Variants in ESRRG observed in about 807,000 individuals in gnomAD.
The protein encoded by ESRRG is estrogen-related receptor gamma.
A neutral mutation model predicts 44.0 loss-of-function variants in ESRRG; 13 were observed. The observed-to-expected ratio is 0.30, with a 90% CI of 0.19 to 0.47. The LOEUF (loss-of-function observed/expected upper bound fraction) is 0.47. Ranked by LOEUF, ESRRG falls within the 20% of genes least tolerant of loss-of-function variation. The pLI is 1.00. For synonymous variants in ESRRG, 215 were observed against 214.6 expected (o/e 1.00, Z -0.02); for missense variants, 395 against 580.6 (o/e 0.68, Z 3.29).
At chr1:217,126,780 C>T (rs2092896073) in intron 1 of ESRRG, among the ~76,000 whole-genome samples, 1 of 152,040 alleles carries the variant, frequency 6.6e-6, no homozygotes, top group South Asian at 2.1e-4. Context: ...TAATATGGTA[C>T]TCTGCATATC....
chr1:216,715,401 C>T, intron 1 of ESRRG: 1 of 184,474 alleles, frequency 5.4e-6, no homozygotes, highest in Non-Finnish European at 1.0e-5. Context: ...GTATGATATT[C>T]CTCCTCAAAA....
At chr1:216,856,419 G>A (rs1188130966) in intron 2 of ESRRG, among the ~76,000 whole-genome samples, 1 of 150,732 alleles carries the variant, frequency 6.6e-6, no homozygotes, top group African/African-American at 2.5e-5. Flanking sequence ...ATTCGAGAGT[G>A]AAGAAATTCA....
chr1:216,559,160 G>C (rs556967679), intron 5 of ESRRG, among the ~76,000 whole-genome samples: 37 of 152,050 alleles, frequency 2.4e-4, no homozygotes, highest in Non-Finnish European at 4.3e-4. Context: ...GTGATCCACC[G>C]CACCCATTCC....
chr1:217,103,058 A>T (rs1048021070), intron 1 of ESRRG, among the ~76,000 whole-genome samples: 1 of 152,232 alleles, frequency 6.6e-6, no homozygotes, highest in African/African-American at 2.4e-5. Context: ...TAATTCTGTC[A>T]TTCTGTGTCA....
At chr1:216,852,794 G>GACTCATCCT (rs747414133) in intron 2 of ESRRG, among the ~76,000 whole-genome samples, 5 of 152,132 alleles carry the variant, frequency 3.3e-5, no homozygotes, top group Non-Finnish European at 5.9e-5. Context: ...CTAGAGATAG[G>GACTCATCCT]ACTCATCCTA....
intron 2 of ESRRG, among the ~76,000 whole-genome samples, chr1:216,871,166 A>G (rs1256725772): frequency 6.6e-6 from 1 of 152,008 alleles, no homozygotes; most frequent in African/African-American, 2.4e-5. Flanking sequence ...TGTATCACAT[A>G]CATTTTAATA....
At chr1:216,843,334 G>A (rs777307999) in intron 2 of ESRRG, among the ~76,000 whole-genome samples, 1 of 151,830 alleles carries the variant, frequency 6.6e-6, no homozygotes, top group Non-Finnish European at 1.5e-5. Flanking sequence ...TTTCCACAGG[G>A]CTCTACAAAA....
chr1:217,044,871 C>A (rs1477055902), intron 1 of ESRRG, among the ~76,000 whole-genome samples: 1 of 152,172 alleles, frequency 6.6e-6, no homozygotes, highest in East Asian at 1.9e-4. Flanking sequence ...TGCTTGTGCA[C>A]TCACACACAG....
At chr1:216,821,372 G>T (rs914925921) in intron 2 of ESRRG, among the ~76,000 whole-genome samples, 10 of 151,938 alleles carry the variant, frequency 6.6e-5, no homozygotes, top group African/African-American at 2.2e-4. Flanking sequence ...TTATTTGTGG[G>T]GATCTTAATG....
At chr1:216,958,449 T>G (rs1262885177) in intron 1 of ESRRG, among the ~76,000 whole-genome samples, 9 of 152,154 alleles carry the variant, frequency 5.9e-5, no homozygotes, top group African/African-American at 2.2e-4. Context: ...TTCGTGTTGA[T>G]ATTGTTCGTT....
intron 2 of ESRRG, among the ~76,000 whole-genome samples, chr1:216,656,014 A>G (rs996130119): frequency 6.6e-6 from 1 of 152,030 alleles, no homozygotes; most frequent in Non-Finnish European, 1.5e-5. Flanking sequence ...CAAAGACATG[A>G]CTCCCAGTAG....
At chr1:216,993,149 A>G (rs1164740107) in intron 1 of ESRRG, among the ~76,000 whole-genome samples, 2 of 152,242 alleles carry the variant, frequency 1.3e-5, no homozygotes, top group Non-Finnish European at 2.9e-5. Context: ...GAATGAATGA[A>G]TGAGTTATTT....
intron 2 of ESRRG, among the ~76,000 whole-genome samples, chr1:216,917,226 C>T (rs1012801925): frequency 1.3e-5 from 2 of 149,072 alleles, no homozygotes; most frequent in African/African-American, 5.0e-5. Context: ...GCCAGGTCTA[C>T]TTAATGCTTA....
intron 2 of ESRRG, among the ~76,000 whole-genome samples, chr1:216,739,213 C>T (rs1361169086): frequency 2.0e-5 from 3 of 151,002 alleles, no homozygotes; most frequent in African/African-American, 4.9e-5. Flanking sequence ...TAAATAATCC[C>T]GACACTGAGA....
rs555074342 is a variant in ESRRG, at chr1:216,526,034, T to C, written c.863-6613A>G. Among the ~76,000 whole-genome samples, 4 of 152,278 alleles carry C rather than the reference T, an allele frequency of 2.6e-5. No homozygotes were observed. In the East Asian group the frequency reaches 7.7e-4, roughly 29 times the overall value. ...ACCTTGGAGAAAGCTGACAGATATC[T>C]CCACAAGCCTTTAAAGAGTCTGTGG... On this transcript the variant is annotated intron_variant, in intron 5 of 6. Transcript: ENST00000408911.
rs1330351361 is a variant in ESRRG, at chr1:216,507,215, A to G, written c.1133-32T>C. Reference sequence around the variant, plus strand: ...AATGAAGCAAAAGATATGAGTAATTATAATAATAATAGCAAACCTATGTAG... The same window carrying G: ...AATGAAGCAAAAGATATGAGTAATTGTAATAATAATAGCAAACCTATGTAG... On this transcript the variant is annotated intron_variant, in intron 6 of 6. Coordinates refer to ENST00000408911, the MANE Select transcript of ESRRG (RefSeq NM_001438.4). 3 of 1,475,974 alleles carry G rather than the reference A, an allele frequency of 2.0e-6. No individual in the cohort carries two copies. In the East Asian group the frequency reaches 6.9e-5, roughly 34 times the overall value. 91.4% of individuals were successfully genotyped at this position (1,475,974 alleles called of 1,614,324 possible). A position where few individuals can be genotyped will look rare whatever the true frequency, so the allele number is the denominator to read the frequency against.
chr1:217,085,573 C>T (rs1235519072), intron 1 of ESRRG, among the ~76,000 whole-genome samples: 1 of 134,780 alleles, frequency 7.4e-6, no homozygotes, highest in East Asian at 2.6e-4. Flanking sequence ...TGACTGCTAT[C>T]TCTACCTCCC....
intron 1 of ESRRG, among the ~76,000 whole-genome samples, chr1:217,122,001 C>A (rs1224279136): frequency 6.6e-6 from 1 of 152,120 alleles, no homozygotes; most frequent in African/African-American, 2.4e-5. Flanking sequence ...GTTCAGATAA[C>A]CACGAGTTAG....
chr1:216,612,190 G>T (rs1311450962), intron 3 of ESRRG, among the ~76,000 whole-genome samples: 2 of 152,128 alleles, frequency 1.3e-5, no homozygotes, highest in African/African-American at 4.8e-5. Context: ...GAAAGAGATG[G>T]ATTCAAAAGA....
Sources: gnomAD v4.1 joint callset for allele counts (sites outside exome capture counted in the v4.1 genomes callset) on GRCh38, gnomAD v4.1.1 for gene constraint, MANE v1.5 for transcripts, NCBI Gene and HGNC (gene_info 2026-07-23, HGNC 2026-07-21) for gene names.